Variants in SPOCK1 observed in about 807,000 individuals in gnomAD.
The protein encoded by SPOCK1 is SPARC (osteonectin), cwcv and kazal like domains proteoglycan 1.
A neutral mutation model predicts 55.3 loss-of-function variants in SPOCK1; 23 were observed. The observed-to-expected ratio is 0.42, with a 90% CI of 0.30 to 0.59. The LOEUF is 0.59. Ranked by LOEUF, SPOCK1 falls within the 20% of genes least tolerant of loss-of-function variation. SPOCK1 has a pLI of 0.22. For missense variants in SPOCK1, 499 were observed against 552.5 expected (o/e 0.90, Z 0.97); for synonymous variants, 226 against 221.0 (o/e 1.02, Z -0.20).
chr5:137,228,428 G>A (rs1212896721), intron 3 of SPOCK1, among the ~76,000 whole-genome samples: 4 of 152,164 alleles, frequency 2.6e-5, no homozygotes, highest in Non-Finnish European at 5.9e-5. Flanking sequence ...ATCACTTGAG[G>A]CCAGGAATTC....
intron 9 of SPOCK1, 138 bp downstream of exon 9, chr5:136,985,002 C>T: frequency 1.2e-6 from 1 of 863,276 alleles, no homozygotes; most frequent in Non-Finnish European, 1.9e-6. Context: ...CCTGGAAGAG[C>T]TCTGCCTGGG....
chr5:137,349,204 C>T (rs1375014593), intron 2 of SPOCK1, among the ~76,000 whole-genome samples: 2 of 152,198 alleles, frequency 1.3e-5, no homozygotes, highest in Non-Finnish European at 2.9e-5. Flanking sequence ...TCTCAGGAAA[C>T]CTCAAGTACA....
At chr5:137,439,439 C>T (rs531390857) in intron 2 of SPOCK1, among the ~76,000 whole-genome samples, 1 of 152,302 alleles carries the variant, frequency 6.6e-6, no homozygotes, top group Admixed American at 6.5e-5. Flanking sequence ...CTGAAAAGCT[C>T]ATGCTATTAT....
At chr5:137,483,408 C>T (rs1753989960) in intron 2 of SPOCK1, among the ~76,000 whole-genome samples, 2 of 152,112 alleles carry the variant, frequency 1.3e-5, no homozygotes, top group Non-Finnish European at 2.9e-5. Context: ...AAAAGTCAAA[C>T]GTCACAAACA....
intron 2 of SPOCK1, among the ~76,000 whole-genome samples, chr5:137,281,591 G>T (rs1290469159): frequency 1.3e-5 from 2 of 152,380 alleles, no homozygotes; most frequent in Non-Finnish European, 2.9e-5. Flanking sequence ...GCCCATGCCA[G>T]AAATATGCAG....
intron 3 of SPOCK1, among the ~76,000 whole-genome samples, chr5:137,216,369 G>A (rs918646482): frequency 6.6e-6 from 1 of 152,206 alleles, no homozygotes; most frequent in Non-Finnish European, 1.5e-5. Flanking sequence ...CATTATGCTA[G>A]TGATAGCAAA....
chr5:137,372,728 A>G (rs1264778707), intron 2 of SPOCK1, among the ~76,000 whole-genome samples: 1 of 152,244 alleles, frequency 6.6e-6, no homozygotes, highest in African/African-American at 2.4e-5. Flanking sequence ...AATATGGAAT[A>G]GAAGAGGAGC....
In SPOCK1 at chr5:137,325,585, G is replaced by A. The variant is rs115895378; in HGVS notation, c.187-58530C>T. 3.9e-3 allele frequency among the ~76,000 whole-genome samples: 596 copies of A among 152,316 alleles called. 8 individuals are homozygous for A. The highest frequency in any genetic ancestry group is 0.014 in the African/African-American group (573 of 41,568). ...GTAACTTTTAATTATATCACTCAATGATTTATGAATCACCCACTCTGTGCT... is the reference window on the plus strand; with the variant it reads ...GTAACTTTTAATTATATCACTCAATAATTTATGAATCACCCACTCTGTGCT... On this transcript the variant is annotated intron_variant, in intron 2 of 10. Coordinates refer to ENST00000394945, the MANE Select transcript of SPOCK1 (RefSeq NM_004598.4).
chr5:137,142,628 T>G (rs1247679548), intron 3 of SPOCK1, among the ~76,000 whole-genome samples: 1 of 152,186 alleles, frequency 6.6e-6, no homozygotes, highest in East Asian at 1.9e-4. Flanking sequence ...AGAGGCTGAT[T>G]TGAGCCCCAG....
intron 2 of SPOCK1, among the ~76,000 whole-genome samples, chr5:137,379,044 T>C (rs961434876): frequency 1.3e-5 from 2 of 152,088 alleles, no homozygotes; most frequent in African/African-American, 2.4e-5. Flanking sequence ...TCATCTCCCC[T>C]GGGAGCCCTG....
chr5:137,172,777 G>A (rs761613420), intron 3 of SPOCK1, among the ~76,000 whole-genome samples: 12 of 152,178 alleles, frequency 7.9e-5, no homozygotes, highest in Non-Finnish European at 1.2e-4. Context: ...AATCCAGTAA[G>A]TGGGATGCAA....
At chr5:137,450,630 A>C (rs1753235657) in intron 2 of SPOCK1, among the ~76,000 whole-genome samples, 1 of 152,162 alleles carries the variant, frequency 6.6e-6, no homozygotes, top group Non-Finnish European at 1.5e-5. Flanking sequence ...ACTTTTCTCC[A>C]GGCCCTGAAA....
chr5:137,090,779 CT>C (rs1246587907), intron 5 of SPOCK1, among the ~76,000 whole-genome samples: 1 of 152,176 alleles, frequency 6.6e-6, no homozygotes, highest in Non-Finnish European at 1.5e-5. Flanking sequence ...AGGAAAATCT[CT>C]TTGTTCCCCT....
intron 9 of SPOCK1, among the ~76,000 whole-genome samples, chr5:136,984,161 G>T (rs1580693193): frequency 6.6e-6 from 1 of 152,296 alleles, no homozygotes; most frequent in East Asian, 1.9e-4. Context: ...TAGGCCTAAA[G>T]AGTTCGAAAT....
chr5:137,014,648 G>A (rs1751416565), intron 6 of SPOCK1, among the ~76,000 whole-genome samples: 1 of 152,050 alleles, frequency 6.6e-6, no homozygotes, highest in African/African-American at 2.4e-5. Flanking sequence ...TCCACAAGAG[G>A]GACTTTCTGT....
rs1750811684 is a variant in SPOCK1 at position 136,985,052 on chromosome 5, A to G, written c.991+88T>C. 5 of 1,305,882 alleles carry G rather than the reference A, an allele frequency of 3.8e-6. No homozygotes were observed. In the South Asian group the frequency reaches 5.9e-5, roughly 15 times the overall value. 80.9% of individuals were successfully genotyped at this position (1,305,882 alleles called of 1,614,324 possible). On this transcript the variant is annotated intron_variant, in intron 9 of 10. Coordinates refer to ENST00000394945, the MANE Select transcript of SPOCK1 (RefSeq NM_004598.4). ...TTTCTTTCATGAAACACTAGCCCTAATTGAATAACCATTGCCATGCTGATC... is the reference window on the plus strand; with the variant it reads ...TTTCTTTCATGAAACACTAGCCCTAGTTGAATAACCATTGCCATGCTGATC...
intron 2 of SPOCK1, among the ~76,000 whole-genome samples, chr5:137,417,075 A>G (rs1361398978): frequency 6.6e-6 from 1 of 152,130 alleles, no homozygotes; most frequent in Admixed American, 6.5e-5. Flanking sequence ...ATATGTGTAC[A>G]TGAATGTTTA....
At chr5:137,170,453 A>G (rs11741402) in intron 3 of SPOCK1, among the ~76,000 whole-genome samples, 62,735 of 151,938 alleles carry the variant, frequency 0.41, 13,328 homozygotes, top group East Asian at 0.62. Flanking sequence ...TGTTGAAGTC[A>G]CTGGCCCCTA....
chr5:137,114,519 C>G (rs538455564), intron 4 of SPOCK1, among the ~76,000 whole-genome samples: 2 of 152,274 alleles, frequency 1.3e-5, no homozygotes, highest in Admixed American at 6.5e-5. Context: ...TTTTTAAAGT[C>G]TATTATTTGC....
Sources: allele counts gnomAD v4.1 joint callset (sites outside exome capture counted in the v4.1 genomes callset), GRCh38; gene constraint gnomAD v4.1.1; transcripts MANE v1.5; gene names NCBI Gene and HGNC (gene_info 2026-07-23, HGNC 2026-07-21).